Variants in AMMECR1L observed in about 807,000 individuals in gnomAD.
The protein encoded by AMMECR1L is AMMECR1 like, also known as AMMECR1-like protein.
A neutral mutation model predicts 36.8 loss-of-function variants in AMMECR1L; 4 were observed. The observed-to-expected ratio is 0.11, with a 90% CI of 0.05 to 0.25. AMMECR1L has a LOEUF of 0.25. AMMECR1L is among the 10% of genes least tolerant of loss of function. The probability of loss-of-function intolerance (pLI) is 1.00; values close to 1 mark genes in which losing one functional copy is unlikely to be tolerated. For missense variants in AMMECR1L, 232 were observed against 392.1 expected (o/e 0.59, Z 3.45); for synonymous variants, 147 against 148.0 (o/e 0.99, Z 0.05).
At chr2:127,876,584 A>G (rs528802991) in intron 2 of AMMECR1L, among the ~76,000 whole-genome samples, 1 of 152,292 alleles carries the variant, frequency 6.6e-6, no homozygotes, top group Non-Finnish European at 1.5e-5. Context: ...TTGGTTTTTT[A>G]AAATGCTGCC....
chr2:127,876,488 T>C lies in AMMECR1L; in HGVS notation c.-38-2216A>G, dbSNP rs187478620. Among the ~76,000 whole-genome samples the C allele has an allele frequency of 7.8e-3, 1,185 of 152,156 alleles. 12 individuals carry two copies. Among genetic ancestry groups the C allele is most frequent in the Admixed American group, 0.011 (165 of 15,278 alleles). On this transcript the variant is annotated intron_variant, in intron 2 of 7. Coordinates refer to ENST00000272647, the MANE Select transcript of AMMECR1L (RefSeq NM_001199140.2). ...TTTTGAGAAAGTCTTACATACTCAA[T>C]ATAATAAAACCTCCAATGACTACAC...
intron 2 of AMMECR1L, among the ~76,000 whole-genome samples, chr2:127,883,266 T>A (rs1691601050): frequency 6.6e-6 from 1 of 151,890 alleles, no homozygotes; most frequent in African/African-American, 2.4e-5. Context: ...CCTGGCTAAT[T>A]TTTGTATTTT....
At position 127,869,184 on chromosome 2, in the gene AMMECR1L, G is replaced by A. The variant is rs1690843197; in HGVS notation, c.724+270C>T. 6.6e-6 allele frequency among the ~76,000 whole-genome samples: 1 copy of A among 152,186 alleles called. No individual in the cohort carries two copies. The highest frequency in any genetic ancestry group is 1.5e-5 in the Non-Finnish European group (1 of 68,040). ...TGCTACAATTGCCACTGTAGTTTAA[G>A]GGGCTAAGAAATAAAACTATTCATT... On this transcript the variant is annotated intron_variant, in intron 6 of 7. Transcript: ENST00000272647. This position sits in a 1 kb window ranked among gnomAD's most constrained non-coding sequence, Gnocchi z 4.7.
Position 127,871,209 on chromosome 2 carries a change from A to T in AMMECR1L, c.518+40T>A, listed in dbSNP as rs1331065064. The T allele has an allele frequency of 1.3e-6, 2 of 1,594,500 alleles. No individual in the cohort carries two copies. The highest frequency in any genetic ancestry group is 1.7e-6 in the Non-Finnish European group (2 of 1,163,374). On this transcript the variant is annotated intron_variant, in intron 4 of 7. Transcript: ENST00000272647. This position sits in a 1 kb window ranked among gnomAD's most constrained non-coding sequence, Gnocchi z 4.3. ...AAGTCAGGCAGCTATTTCTGATTCT[A>T]GCCAATTTATCTACAGTTCTTAATG...
intron 2 of AMMECR1L, among the ~76,000 whole-genome samples, chr2:127,879,401 T>C (rs1392441964): frequency 2.0e-5 from 3 of 152,224 alleles, no homozygotes; most frequent in African/African-American, 4.8e-5. Context: ...TGTTATGTTA[T>C]GTGCCCGCTC....
intron 2 of AMMECR1L, among the ~76,000 whole-genome samples, chr2:127,876,349 C>CA (rs11332960): frequency 0.016 from 1,730 of 111,060 alleles, 35 homozygotes; most frequent in African/African-American, 0.047. Context: ...GGCCCTGTCT[C>CA]AAAAAAAAAA....
chr2:127,882,661 A>C (rs1691560970), intron 2 of AMMECR1L, among the ~76,000 whole-genome samples: 1 of 152,108 alleles, frequency 6.6e-6, no homozygotes, highest in African/African-American at 2.4e-5. Context: ...TGGTACAATC[A>C]CAGCTCAATG....
At chr2:127,866,826 C>T (rs182330888) in intron 7 of AMMECR1L, 74 bp downstream of exon 7, 2 of 1,370,978 alleles carry the variant, frequency 1.5e-6, no homozygotes, top group East Asian at 2.3e-5. Context: ...CACTTCTTCT[C>T]CATCCCATCA....
At position 127,873,514 on chromosome 2, in the gene AMMECR1L, C is replaced by T; in HGVS notation, c.407+314G>A. On this transcript the variant is annotated intron_variant, in intron 3 of 7. Transcript: ENST00000272647. This position sits in a 1 kb window ranked among gnomAD's most constrained non-coding sequence, Gnocchi z 5.2. ...TGTCCCCAATGGTATGGCGTGACTT[C>T]CCCACTTGAGAGGTTAAATGCCATA... is the stretch of plus-strand genomic sequence containing the variant. The T allele has an allele frequency of 1.0e-6, 1 of 985,432 alleles. No individual in the cohort carries two copies. Among genetic ancestry groups the T allele is most frequent in the Non-Finnish European group, 1.2e-6 (1 of 829,930 alleles). The allele number at this position is 985,432 out of a possible 1,614,324, so 61.0% of individuals were successfully genotyped here.
At chr2:127,880,208 T>G (rs568768553) in intron 2 of AMMECR1L, among the ~76,000 whole-genome samples, 1 of 152,148 alleles carries the variant, frequency 6.6e-6, no homozygotes, top group Non-Finnish European at 1.5e-5. Flanking sequence ...AAAGTATATA[T>G]AACCAAGACC....
rs1690603423 is a variant in AMMECR1L at position 127,864,599 on chromosome 2, C to G, written c.*495G>C. The G allele has an allele frequency of 6.6e-6, 1 of 152,426 alleles. No homozygotes were observed. The allele number at this position is 152,426 out of a possible 1,614,324, so 9.4% of individuals were successfully genotyped here. ...TGAAGCATGGAGGTTGTAATCAACT[C>G]TTGGTACGCAATAAACTGGAAGTTT... On this transcript the variant is annotated 3_prime_UTR_variant, in exon 8 of 8. Coordinates refer to ENST00000272647, the MANE Select transcript of AMMECR1L (RefSeq NM_001199140.2).
chr2:127,880,560 G>A (rs1404149324), intron 2 of AMMECR1L, among the ~76,000 whole-genome samples: 1 of 151,932 alleles, frequency 6.6e-6, no homozygotes, highest in Non-Finnish European at 1.5e-5. Flanking sequence ...ACACTCAAGG[G>A]GGCCCTGAAC....
chr2:127,876,755 C>A (rs976002385), intron 2 of AMMECR1L, among the ~76,000 whole-genome samples: 21 of 152,094 alleles, frequency 1.4e-4, no homozygotes, highest in Non-Finnish European at 5.9e-5. Context: ...CCCTGGCTCA[C>A]GCCTATGAAC....
chr2:127,869,670 G>A lies in AMMECR1L; in HGVS notation c.634-126C>T, dbSNP rs1410177705. 5.2e-6 allele frequency: 4 copies of A among 762,546 alleles called. No homozygotes were observed. In the East Asian group the frequency reaches 8.0e-5, roughly 15 times the overall value. The allele number at this position is 762,546 out of a possible 1,614,324, so 47.2% of individuals were successfully genotyped here. Reference sequence around the variant, plus strand: ...AGGCCTGGAAAAGGGAGACCTTCTCGCATTTCATGACTAATTCTATCTCAG... The same window carrying A: ...AGGCCTGGAAAAGGGAGACCTTCTCACATTTCATGACTAATTCTATCTCAG... On this transcript the variant is annotated intron_variant, in intron 5 of 7. Coordinates refer to ENST00000272647, the MANE Select transcript of AMMECR1L (RefSeq NM_001199140.2). The surrounding 1 kb of genome is among the most constrained non-coding windows in gnomAD (Gnocchi z 4.7).
intron 2 of AMMECR1L, among the ~76,000 whole-genome samples, 179 bp downstream of exon 2, chr2:127,884,024 T>C (rs770369387): frequency 2.0e-5 from 3 of 152,196 alleles, no homozygotes; most frequent in Non-Finnish European, 4.4e-5. Flanking sequence ...AACTTGCCTT[T>C]GCATATTTAA....
intron 2 of AMMECR1L, among the ~76,000 whole-genome samples, chr2:127,876,223 G>A (rs1199100933): frequency 6.6e-6 from 1 of 151,978 alleles, no homozygotes; most frequent in Non-Finnish European, 1.5e-5. Flanking sequence ...GGTGGCACAT[G>A]TCTGTGGTCC....
chr2:127,868,494 A>G (rs1447403907), intron 6 of AMMECR1L, among the ~76,000 whole-genome samples: 1 of 152,186 alleles, frequency 6.6e-6, no homozygotes, highest in Non-Finnish European at 1.5e-5. Flanking sequence ...TGCTCATGAT[A>G]TACACTTCAC....
Position 127,863,779 on chromosome 2 carries a change from T to C in AMMECR1L, c.*1315A>G, listed in dbSNP as rs1479813620. 1.3e-5 allele frequency: 2 copies of C among 152,644 alleles called. No individual in the cohort carries two copies. Among genetic ancestry groups the C allele is most frequent in the African/African-American group, 4.8e-5 (2 of 41,460 alleles). The allele number at this position is 152,644 out of a possible 1,614,324, so 9.5% of individuals were successfully genotyped here. ...TTTTCAAAGCATCTTCCAAGTCCCC[T>C]AGTTCTATGAACTTTGCCACCAAAT... On this transcript the variant is annotated 3_prime_UTR_variant, in exon 8 of 8. Transcript: ENST00000272647.
At chr2:127,868,593 AG>A (rs1690810756) in intron 6 of AMMECR1L, among the ~76,000 whole-genome samples, 1 of 152,228 alleles carries the variant, frequency 6.6e-6, no homozygotes, top group Non-Finnish European at 1.5e-5. Context: ...CCAAGAAAGA[AG>A]GAAAACTGCA....
Sources: gnomAD v4.1 joint callset for allele counts (sites outside exome capture counted in the v4.1 genomes callset) on GRCh38, gnomAD v4.1.1 for gene constraint, Gnocchi (gnomAD v3.1) non-coding constraint, MANE v1.5 for transcripts, NCBI Gene and HGNC (gene_info 2026-07-23, HGNC 2026-07-21) for gene names.